The following NT5C3A variants were observed in gnomAD, a reference collection of about 807,000 sequenced individuals.
NT5C3A encodes the protein cytosolic 5'-nucleotidase 3A.
NT5C3A carries 23 observed loss-of-function variants against 40.0 expected under a neutral mutation model. The ratio of observed to expected loss-of-function variants is 0.58; its 90% CI spans 0.41 to 0.81. The LOEUF (loss-of-function observed/expected upper bound fraction) is 0.81. NT5C3A is among the 40% of genes least tolerant of loss of function. The probability of loss-of-function intolerance (pLI) is 0.00; values close to 1 mark genes in which losing one functional copy is unlikely to be tolerated. For missense variants in NT5C3A, 328 were observed against 403.0 expected (o/e 0.81, Z 1.59); for synonymous variants, 130 against 141.4 (o/e 0.92, Z 0.57).
intron 2 of NT5C3A, among the ~76,000 whole-genome samples, 194 bp from the exon 3 acceptor site, chr7:33,024,302 T>A (rs1170220613): frequency 1.3e-5 from 2 of 152,246 alleles, no homozygotes; most frequent in Non-Finnish European, 2.9e-5. Context: ...CTGGGAATAA[T>A]CTTAACTACA....
intron 1 of NT5C3A, among the ~76,000 whole-genome samples, chr7:33,039,200 T>C (rs1786774929): frequency 6.6e-6 from 1 of 152,112 alleles, no homozygotes; most frequent in Non-Finnish European, 1.5e-5. Flanking sequence ...TTAATGAAAA[T>C]TGATTGGTAT....
At chr7:33,026,996 T>C in intron 1 of NT5C3A, 81 bp from the exon 2 acceptor site, 1 of 850,424 alleles carries the variant, frequency 1.2e-6, no homozygotes. Context: ...AAACCTGTCT[T>C]ATTTAAAGAC....
rs750258044 is a variant in NT5C3A at position 33,026,868 on chromosome 7, T to C, written c.186A>G (p.Arg62=). 6.2e-7 allele frequency: 1 copy of C among 1,612,910 alleles called. No individual in the cohort carries two copies. Among genetic ancestry groups the C allele is most frequent in the Non-Finnish European group, 8.5e-7 (1 of 1,179,760 alleles). ...TAAGACCACAGATAATTTCTTCTAC[T>C]CTTGTAGGGTTCTTGATTCGAACTG... ...KSSVRIKNPT[R]VEEIICGLIK... Residue 62 remains arginine, a synonymous_variant, in exon 2 of 9, where the codon AGA becomes AGG. Transcript: ENST00000610140.
chr7:33,024,198 C>A, intron 2 of NT5C3A, 90 bp from the exon 3 acceptor site: 1 of 743,742 alleles, frequency 1.3e-6, no homozygotes. Flanking sequence ...TTCATGCTTT[C>A]CTAGATGCAT....
At position 33,037,916 on chromosome 7, in the gene NT5C3A, C is replaced by A. The variant is rs139783189; in HGVS notation, c.139-11001G>T. 2.6e-3 allele frequency among the ~76,000 whole-genome samples: 389 copies of A among 152,220 alleles called. 2 individuals are homozygous for A. The highest frequency in any genetic ancestry group is 9.0e-3 in the African/African-American group (374 of 41,544). ...TAGTTTGGGGATTAGTAGTCTTTAG[C>A]TTAGATGATTATAGTCAAGTTTAAG... On this transcript the variant is annotated intron_variant, in intron 1 of 8. Coordinates refer to ENST00000610140, the MANE Select transcript of NT5C3A (RefSeq NM_001002010.5).
intron 1 of NT5C3A, among the ~76,000 whole-genome samples, chr7:33,050,597 G>T (rs1029312258): frequency 1.3e-5 from 2 of 152,210 alleles, no homozygotes; most frequent in African/African-American, 4.8e-5. Context: ...ATGGGGACAG[G>T]AAGGATCTTG....
chr7:33,023,172 G>A (rs1330216078), intron 3 of NT5C3A, among the ~76,000 whole-genome samples: 8 of 151,806 alleles, frequency 5.3e-5, no homozygotes, highest in Admixed American at 1.3e-4. Flanking sequence ...TCCACCTCCC[G>A]AAGTGCTGGG....
chr7:33,047,778 G>A (rs1005343853), intron 1 of NT5C3A, among the ~76,000 whole-genome samples: 9 of 152,040 alleles, frequency 5.9e-5, no homozygotes, highest in South Asian at 4.1e-4. Context: ...TTATATCAAC[G>A]TGTATTGTAT....
chr7:33,031,926 A>G (rs576489193), intron 1 of NT5C3A, among the ~76,000 whole-genome samples: 4 of 152,260 alleles, frequency 2.6e-5, no homozygotes, highest in Admixed American at 2.6e-4. Flanking sequence ...GGAGTTCAAG[A>G]CCAGCCTGGC....
intron 3 of NT5C3A, chr7:33,023,818 G>A: frequency 1.9e-6 from 1 of 537,070 alleles, no homozygotes; most frequent in East Asian, 3.2e-5. Flanking sequence ...AATATTTCAG[G>A]AGTCTCTGAT....
intron 6 of NT5C3A, among the ~76,000 whole-genome samples, chr7:33,018,694 C>G (rs536239017): frequency 6.6e-6 from 1 of 151,942 alleles, no homozygotes; most frequent in Admixed American, 6.6e-5. Flanking sequence ...ACTAAAAATA[C>G]AAAAAATTAG....
chr7:33,062,124 C>T (rs1347950103), intron 1 of NT5C3A, among the ~76,000 whole-genome samples: 1 of 152,148 alleles, frequency 6.6e-6, no homozygotes, highest in African/African-American at 2.4e-5. Flanking sequence ...AACTAGTCCT[C>T]TGCGGGAATT....
At chr7:33,030,993 G>A (rs7798138) in intron 1 of NT5C3A, among the ~76,000 whole-genome samples, 107,946 of 151,624 alleles carry the variant, frequency 0.71, 38,786 homozygotes, top group African/African-American at 0.77. Flanking sequence ...CAGCTACTCT[G>A]GAGGCTGAGG....
chr7:33,062,485 C>A lies in NT5C3A; in HGVS notation c.138+83G>T. The A allele has an allele frequency of 3.1e-6, 4 of 1,279,830 alleles. No homozygotes were observed. In the East Asian group the frequency reaches 7.6e-5, roughly 24 times the overall value. The allele number at this position is 1,279,830 out of a possible 1,614,324, so 79.3% of individuals were successfully genotyped here. ...GCAGCTCCCCGTCGCGACCGAACAGCGGCCCAGCACAGGCTGCCGAGGCCA... is the reference window on the plus strand; with the variant it reads ...GCAGCTCCCCGTCGCGACCGAACAGAGGCCCAGCACAGGCTGCCGAGGCCA... On this transcript the variant is annotated intron_variant, in intron 1 of 8. Transcript: ENST00000610140.
chr7:33,038,515 TAA>T (rs2128007750), intron 1 of NT5C3A, among the ~76,000 whole-genome samples: 1 of 150,988 alleles, frequency 6.6e-6, no homozygotes, highest in Non-Finnish European at 1.5e-5. Context: ...TTTTTTTTGG[TAA>T]GTATACCAAC....
intron 1 of NT5C3A, among the ~76,000 whole-genome samples, chr7:33,055,364 C>T (rs1381954883): frequency 6.6e-6 from 1 of 151,862 alleles, no homozygotes. Context: ...TTTGTGTTCT[C>T]TACTGCTGTA....
chr7:33,055,146 G>A (rs1167832203), intron 1 of NT5C3A, among the ~76,000 whole-genome samples: 2 of 152,060 alleles, frequency 1.3e-5, no homozygotes, highest in Non-Finnish European at 2.9e-5. Flanking sequence ...CAAATATGGA[G>A]AAACCTCATC....
chr7:33,061,638 C>T (rs2128022860), intron 1 of NT5C3A, among the ~76,000 whole-genome samples: 1 of 152,250 alleles, frequency 6.6e-6, no homozygotes, highest in East Asian at 1.9e-4. Context: ...CTCAGAAATT[C>T]CAAGTATTAC....
At chr7:33,041,177 A>C (rs1401416428) in intron 1 of NT5C3A, 1 of 978,860 alleles carries the variant, frequency 1.0e-6, no homozygotes, top group African/African-American at 1.8e-5. Context: ...AGGAACCTCT[A>C]CACTAACACT....
Sources: allele counts gnomAD v4.1 joint callset (sites outside exome capture counted in the v4.1 genomes callset), GRCh38; gene constraint gnomAD v4.1.1; transcripts MANE v1.5; gene names NCBI Gene and HGNC (gene_info 2026-07-23, HGNC 2026-07-21).